The following PDE1C variants were observed in gnomAD, a reference collection of about 807,000 sequenced individuals.
The protein encoded by PDE1C is phosphodiesterase 1C, also known as dual specificity calcium/calmodulin-dependent 3',5'-cyclic nucleotide phosphodiesterase 1C.
In PDE1C, 62 loss-of-function variants were observed where a neutral mutation model predicts 93.1. The ratio of observed to expected loss-of-function variants is 0.67; its 90% CI spans 0.54 to 0.82. The LOEUF is 0.82. Among genes scored for constraint, PDE1C ranks in the 40% least tolerant of loss-of-function variants. The pLI is 0.00. For synonymous variants in PDE1C, 325 were observed against 310.1 expected (o/e 1.05, Z -0.50); for missense variants, 742 against 884.6 (o/e 0.84, Z 2.04).
chr7:32,065,631 T>G (rs1222327731), intron 1 of PDE1C, among the ~76,000 whole-genome samples: 1 of 152,178 alleles, frequency 6.6e-6, no homozygotes, highest in Non-Finnish European at 1.5e-5. Context: ...TAATAGACAC[T>G]CAGTAAATGT....
At chr7:31,975,697 A>G (rs1487159351) in intron 2 of PDE1C, among the ~76,000 whole-genome samples, 1 of 152,232 alleles carries the variant, frequency 6.6e-6, no homozygotes, top group Non-Finnish European at 1.5e-5. Flanking sequence ...CAGTGAGCAC[A>G]TAATTTCCTC....
the PDE1C span, among the ~76,000 whole-genome samples, chr7:31,736,940 CT>C: frequency 7.2e-5 from 11 of 151,864 alleles, no homozygotes; most frequent in South Asian, 4.2e-4. Context: ...TCTTCTAATT[CT>C]TTTTTTCCCC....
intron 2 of PDE1C, among the ~76,000 whole-genome samples, chr7:31,925,360 TTGTC>T (rs1413062619): frequency 1.3e-5 from 2 of 152,152 alleles, no homozygotes; most frequent in Non-Finnish European, 2.9e-5. Flanking sequence ...CAAATATTGA[TTGTC>T]TGTCATATGT....
At chr7:31,735,150 G>A in the PDE1C span, among the ~76,000 whole-genome samples, 1 of 152,242 alleles carries the variant, frequency 6.6e-6, no homozygotes, top group Non-Finnish European at 1.5e-5. Context: ...TGAAATCCCA[G>A]CACTTTGGGA....
At chr7:32,113,025 G>A (rs948720994) in intron 3 of PDE1C, among the ~76,000 whole-genome samples, 2 of 149,382 alleles carry the variant, frequency 1.3e-5, no homozygotes, top group African/African-American at 4.9e-5. Context: ...AATGAGGTAA[G>A]TATAGCTCTG....
rs911952216 is a variant in PDE1C, at chr7:32,296,562, G to A, written c.85+2089C>T. Among the ~76,000 whole-genome samples, 6 of 152,248 alleles carry A rather than the reference G, an allele frequency of 3.9e-5. 1 individual carries two copies. In the South Asian group the frequency reaches 1.0e-3, roughly 26 times the overall value. Reference sequence around the variant, plus strand: ...GTTGGCAGCTATCTCACTTGGAAGCGACCAGCTCATTTTTAGAGTCTCTTC... The same window carrying A: ...GTTGGCAGCTATCTCACTTGGAAGCAACCAGCTCATTTTTAGAGTCTCTTC... On this transcript the variant is annotated intron_variant, in intron 1 of 18. Coordinates refer to the PDE1C transcript ENST00000396193.
intron 17 of PDE1C, among the ~76,000 whole-genome samples, chr7:31,772,027 A>C (rs2392003): frequency 0.069 from 10,256 of 149,120 alleles, 750 homozygotes; most frequent in East Asian, 0.39. Context: ...GCCTGGGCGA[A>C]AGAGCGGGAC....
chr7:32,006,429 C>A (rs541677022), intron 2 of PDE1C, among the ~76,000 whole-genome samples: 67 of 152,090 alleles, frequency 4.4e-4, no homozygotes, highest in Non-Finnish European at 7.6e-4. Context: ...TTTACAGGAA[C>A]GAAATGTTTC....
At chr7:32,128,064 G>A (rs568140355) in intron 3 of PDE1C, among the ~76,000 whole-genome samples, 130 of 151,944 alleles carry the variant, frequency 8.6e-4, no homozygotes, top group Middle Eastern at 3.8e-3. Flanking sequence ...AGGAAGAACA[G>A]AAGTAAACTT....
the PDE1C span, chr7:31,707,509 A>T: frequency 2.0e-6 from 1 of 497,038 alleles, no homozygotes; most frequent in African/African-American, 2.0e-5. Flanking sequence ...TTATTTTCTA[A>T]TGCAGTGGAA....
intron 9 of PDE1C, among the ~76,000 whole-genome samples, chr7:31,840,691 T>C (rs1791747125): frequency 6.6e-6 from 1 of 152,208 alleles, no homozygotes; most frequent in Non-Finnish European, 1.5e-5. Flanking sequence ...GAAAATATTT[T>C]CTTTTCCCCA....
At chr7:32,307,779 C>G (rs1371431772) in intron 1 of PDE1C, among the ~76,000 whole-genome samples, 3 of 152,212 alleles carry the variant, frequency 2.0e-5, no homozygotes, top group Admixed American at 2.0e-4. Flanking sequence ...AGGAACAGCT[C>G]CAGTCTACAA....
intron 2 of PDE1C, among the ~76,000 whole-genome samples, chr7:31,997,923 A>G (rs1784932589): frequency 6.6e-6 from 1 of 152,218 alleles, no homozygotes. Flanking sequence ...ATGAGAATAA[A>G]TGTCCCTTAC....
intron 7 of PDE1C, among the ~76,000 whole-genome samples, chr7:31,854,420 G>A (rs1168144943): frequency 6.6e-6 from 1 of 152,114 alleles, no homozygotes; most frequent in Non-Finnish European, 1.5e-5. Context: ...ATTACCAATT[G>A]GTGGCAAGGT....
At chr7:31,694,555 C>G in the PDE1C span, among the ~76,000 whole-genome samples, 1 of 152,224 alleles carries the variant, frequency 6.6e-6, no homozygotes, top group East Asian at 1.9e-4. Flanking sequence ...TTTAACCGTT[C>G]AACATCCATT....
intron 1 of PDE1C, among the ~76,000 whole-genome samples, chr7:32,312,351 A>G (rs978025004): frequency 5.9e-5 from 9 of 151,942 alleles, no homozygotes; most frequent in Non-Finnish European, 8.8e-5. Flanking sequence ...TATAGATTCA[A>G]TGCCATCCCC....
intron 3 of PDE1C, among the ~76,000 whole-genome samples, chr7:32,111,888 G>A (rs1325805650): frequency 6.6e-6 from 1 of 152,188 alleles, no homozygotes; most frequent in Non-Finnish European, 1.5e-5. Flanking sequence ...AGATAATATA[G>A]ATGGTCAAAT....
At chr7:32,114,834 A>G (rs1042879119) in intron 3 of PDE1C, among the ~76,000 whole-genome samples, 9 of 151,932 alleles carry the variant, frequency 5.9e-5, no homozygotes, top group Non-Finnish European at 7.4e-5. Context: ...CAAAAAAAAG[A>G]CATTTATGCA....
At chr7:32,221,371 A>G (rs1420011429) in intron 1 of PDE1C, among the ~76,000 whole-genome samples, 1 of 152,168 alleles carries the variant, frequency 6.6e-6, no homozygotes, top group Non-Finnish European at 1.5e-5. Context: ...GGCACCTAGG[A>G]GCCATTTTCA....
Sources: gnomAD v4.1 joint callset for allele counts (sites outside exome capture counted in the v4.1 genomes callset) on GRCh38, gnomAD v4.1.1 for gene constraint, MANE v1.5 for transcripts, NCBI Gene and HGNC (gene_info 2026-07-23, HGNC 2026-07-21) for gene names.